The following SNX25 variants were observed in gnomAD, a reference collection of about 807,000 sequenced individuals.
The protein encoded by SNX25 is sorting nexin 25.
SNX25 carries 62 observed loss-of-function variants against 113.7 expected under a neutral mutation model. The ratio of observed to expected loss-of-function variants is 0.55; its 90% CI spans 0.44 to 0.67. The LOEUF (loss-of-function observed/expected upper bound fraction) is 0.67. Ranked by LOEUF, SNX25 falls within the 30% of genes least tolerant of loss-of-function variation. The pLI, the probability that SNX25 is intolerant of heterozygous loss-of-function variation, is 0.00. For missense variants in SNX25, 1,014 were observed against 1,161.0 expected (o/e 0.87, Z 1.84); for synonymous variants, 421 against 436.2 (o/e 0.97, Z 0.43).
Position 185,356,740 on chromosome 4 carries a change from G to A in SNX25, c.2585-931G>A, listed in dbSNP as rs971592823. ...TTTTCTTAGTGGGTACAAGAGCCCCGAACTCTTGGCTCCATTATGACTGAG... is the reference window on the plus strand; with the variant it reads ...TTTTCTTAGTGGGTACAAGAGCCCCAAACTCTTGGCTCCATTATGACTGAG... On this transcript the variant is annotated intron_variant, in intron 15 of 18. Transcript: ENST00000652585. Among the ~76,000 whole-genome samples, 7 of 152,242 alleles carry A rather than the reference G, an allele frequency of 4.6e-5. No individual in the cohort carries two copies. The East Asian group carries it at 1.4e-3, about 29-fold the overall frequency.
intron 7 of SNX25, among the ~76,000 whole-genome samples, chr4:185,320,173 A>G (rs2095108515): frequency 6.6e-6 from 1 of 152,208 alleles, no homozygotes. Context: ...AGACACTTGC[A>G]TGTGTATGTT....
chr4:185,375,945 T>C, the SNX25 span, among the ~76,000 whole-genome samples: 28 of 152,004 alleles, frequency 1.8e-4, no homozygotes, highest in Admixed American at 1.8e-3. Flanking sequence ...CAGCAAACAT[T>C]TGTTGCCAGG....
At chr4:185,370,358 C>G (rs2095410766), downstream of SNX25, among the ~76,000 whole-genome samples, 1 of 152,144 alleles carries the variant, frequency 6.6e-6, no homozygotes, top group Non-Finnish European at 1.5e-5. Context: ...AACTGTTCAG[C>G]TTTAAGGTCT....
intron 5 of SNX25, among the ~76,000 whole-genome samples, chr4:185,280,308 G>A (rs1415700770): frequency 6.6e-6 from 1 of 152,048 alleles, no homozygotes; most frequent in Non-Finnish European, 1.5e-5. Flanking sequence ...TCTATACAGT[G>A]GAATACCATA....
chr4:185,328,462 G>T (rs2095171512), intron 9 of SNX25, among the ~76,000 whole-genome samples: 1 of 152,142 alleles, frequency 6.6e-6, no homozygotes, highest in African/African-American at 2.4e-5. Context: ...GTGGAAAAAA[G>T]TAATTCAGTT....
At position 185,363,945 on chromosome 4, in the gene SNX25, A is replaced by C. The variant is rs996692292; in HGVS notation, c.*480A>C. 6.5e-6 allele frequency: 1 copy of C among 153,842 alleles called. No homozygotes were observed. Among genetic ancestry groups the C allele is most frequent in the Admixed American group, 6.5e-5 (1 of 15,474 alleles). The allele number at this position is 153,842 out of a possible 1,614,324, so 9.5% of individuals were successfully genotyped here. On this transcript the variant is annotated 3_prime_UTR_variant, in exon 19 of 19. Transcript: ENST00000652585. This position sits in a 1 kb window ranked among gnomAD's most constrained non-coding sequence, Gnocchi z 4.2. ...GATTTCCCATAGTTTGAGCATTCAA[A>C]GCAATAAAATATAAAAATGAATCAC...
chr4:185,362,780 A>G (rs781624275), intron 18 of SNX25, 69 bp downstream of exon 18: 108 of 1,252,990 alleles, frequency 8.6e-5, no homozygotes, highest in Admixed American at 5.4e-4. Context: ...GTCAGAAAAA[A>G]CATGTGCCCC....
intron 5 of SNX25, among the ~76,000 whole-genome samples, chr4:185,277,568 T>C (rs1025862629): frequency 1.3e-5 from 2 of 152,230 alleles, no homozygotes; most frequent in East Asian, 3.9e-4. Flanking sequence ...GAACGTGGAC[T>C]TGGGGAGAGA....
intron 10 of SNX25, among the ~76,000 whole-genome samples, chr4:185,338,758 T>A (rs1333654571): frequency 3.3e-5 from 5 of 152,236 alleles, no homozygotes; most frequent in Admixed American, 2.0e-4. Flanking sequence ...CCCTATTGAA[T>A]GGTCTCGACA....
chr4:185,251,600 T>C (rs562544439), intron 2 of SNX25, among the ~76,000 whole-genome samples: 40 of 17,252 alleles, frequency 2.3e-3, no homozygotes, highest in Non-Finnish European at 5.6e-3. Flanking sequence ...TTCCATTGCG[T>C]GTGTGTGTGT....
chr4:185,368,068 C>T (rs1487848731), downstream of SNX25, among the ~76,000 whole-genome samples: 1 of 152,138 alleles, frequency 6.6e-6, no homozygotes, highest in Non-Finnish European at 1.5e-5. Flanking sequence ...GTGCCAGCTA[C>T]TCGGGAGGCT....
chr4:185,373,155 A>C, downstream of SNX25: 1 of 1,333,806 alleles, frequency 7.5e-7, no homozygotes, highest in South Asian at 1.3e-5. Flanking sequence ...GACAGAAAAG[A>C]ACTCTGTGTT....
chr4:185,284,283 C>A (rs1456317012), intron 5 of SNX25, among the ~76,000 whole-genome samples: 7 of 152,164 alleles, frequency 4.6e-5, no homozygotes, highest in Non-Finnish European at 1.0e-4. Context: ...AATGACTGGG[C>A]ACACCATTTT....
chr4:185,331,428 T>G (rs780535729), intron 9 of SNX25, among the ~76,000 whole-genome samples: 1 of 152,210 alleles, frequency 6.6e-6, no homozygotes, highest in Non-Finnish European at 1.5e-5. Context: ...CCCATTCAAA[T>G]GAATACAAAG....
chr4:185,222,651 T>A (rs1740179901), intron 1 of SNX25, among the ~76,000 whole-genome samples: 1 of 152,250 alleles, frequency 6.6e-6, no homozygotes, highest in African/African-American at 2.4e-5. Flanking sequence ...TTTCATTAGT[T>A]ATTGAACTCC....
At chr4:185,251,233 G>A (rs1469623400) in intron 2 of SNX25, among the ~76,000 whole-genome samples, 1 of 152,120 alleles carries the variant, frequency 6.6e-6, no homozygotes, top group African/African-American at 2.4e-5. Flanking sequence ...GACCTCAAGT[G>A]ATCCGCTTGC....
intron 9 of SNX25, among the ~76,000 whole-genome samples, chr4:185,330,206 G>C (rs1379139604): frequency 6.6e-6 from 1 of 152,192 alleles, no homozygotes; most frequent in Non-Finnish European, 1.5e-5. Context: ...TTTCTGTGTG[G>C]AGGAGAAGTT....
intron 2 of SNX25, among the ~76,000 whole-genome samples, chr4:185,249,683 A>T (rs199868709): frequency 2.0e-5 from 3 of 151,178 alleles, no homozygotes; most frequent in East Asian, 1.9e-4. Flanking sequence ...AAGTTCACCA[A>T]TTTTTTTTCT....
intron 13 of SNX25, among the ~76,000 whole-genome samples, chr4:185,350,551 G>C (rs975158096): frequency 6.6e-6 from 1 of 152,176 alleles, no homozygotes; most frequent in Non-Finnish European, 1.5e-5. Context: ...GAACTTTCCA[G>C]TTTGAGGGCT....
Sources: allele counts gnomAD v4.1 joint callset (sites outside exome capture counted in the v4.1 genomes callset), GRCh38; gene constraint gnomAD v4.1.1; non-coding constraint Gnocchi (gnomAD v3.1); transcripts MANE v1.5; gene names NCBI Gene and HGNC (gene_info 2026-07-23, HGNC 2026-07-21).